TPPP2: variants seen among roughly 807,000 people sequenced by gnomAD.
The protein encoded by TPPP2 is tubulin polymerization promoting protein family member 2.
In TPPP2, 8 loss-of-function variants were observed where a neutral mutation model predicts 13.0. That is an observed-to-expected ratio of 0.62 (90% CI 0.36 to 1.11). The LOEUF is 1.11. Ranked by LOEUF, TPPP2 falls within the 50% of genes most tolerant of loss-of-function variation. The pLI, the probability that TPPP2 is intolerant of heterozygous loss-of-function variation, is 0.02. For synonymous variants in TPPP2, 81 were observed against 81.8 expected, an observed-to-expected ratio of 0.99 and a Z score of 0.05; for missense variants, 213 against 216.9, an observed-to-expected ratio of 0.98 and a Z score of 0.11.
upstream of TPPP2, chr14:21,025,371 C>G (rs1432895296): frequency 1.0e-6 from 1 of 985,540 alleles, no homozygotes; most frequent in African/African-American, 1.7e-5. This position sits in a 1 kb window ranked among gnomAD's most constrained non-coding sequence, Gnocchi z 5.1. Context: ...CTCGGCTGCC[C>G]TCAGCACCGC....
downstream of TPPP2, chr14:21,034,158 T>C: frequency 6.2e-7 from 1 of 1,614,068 alleles, no homozygotes; most frequent in Non-Finnish European, 8.5e-7. Context: ...ACCCTTTGGG[T>C]AGTTAACCCT....
chr14:21,030,492 C>A, intron 1 of TPPP2, 21 bp from the exon 2 acceptor site: 1 of 1,353,942 alleles, frequency 7.4e-7, no homozygotes, highest in Non-Finnish European at 1.0e-6. Flanking sequence ...TACCATAACA[C>A]TCATCCTCAT....
chr14:21,024,946 G>A, intron 1 of TPPP2: 1 of 985,626 alleles, frequency 1.0e-6, no homozygotes, highest in Non-Finnish European at 1.2e-6. Context: ...TCCAGCTCCA[G>A]GGGACGCGGA....
chr14:21,025,668 T>G (rs377144107), upstream of TPPP2: 383 of 983,822 alleles, frequency 3.9e-4, no homozygotes, highest in African/African-American at 6.1e-3. The surrounding 1 kb of genome is among the most constrained non-coding windows in gnomAD (Gnocchi z 5.1). Flanking sequence ...GTGCCCAGAG[T>G]CCTGGTACCT....
At chr14:21,031,402 G>A (rs1243460) in intron 3 of TPPP2, 66,359 of 512,798 alleles carry the variant, frequency 0.13, 5,192 homozygotes, top group East Asian at 0.27. Context: ...TCTAGTATCT[G>A]AGCCAGGCAA....
chr14:21,024,747 C>G lies in TPPP2; in HGVS notation n.236+403C>G. On this transcript the variant is annotated intron_variant and non_coding_transcript_variant, in intron 1 of 1. Transcript: ENST00000533755. ...GACCGGCCGGGCCCAGCACCCGGAA[C>G]CCGTCCCTACGAGTCCCTACGCAGC... The G allele has an allele frequency of 3.0e-6, 3 of 985,510 alleles. No individual in the cohort carries two copies. The African/African-American group carries it at 5.2e-5, about 17-fold the overall frequency. The allele number at this position is 985,510 out of a possible 1,614,324, so 61.0% of individuals were successfully genotyped here.
At chr14:21,031,809 C>T in intron 3 of TPPP2, 83 bp from the exon 4 acceptor site, 1 of 1,465,638 alleles carries the variant, frequency 6.8e-7, no homozygotes, top group Non-Finnish European at 9.2e-7. Context: ...AGCACTTGTT[C>T]TAAGTATCTC....
At chr14:21,025,617 G>T, upstream of TPPP2, 1 of 985,524 alleles carries the variant, frequency 1.0e-6, no homozygotes, top group South Asian at 4.7e-5. The surrounding 1 kb of genome is among the most constrained non-coding windows in gnomAD (Gnocchi z 5.1). Flanking sequence ...CCGAAAGGGG[G>T]CACGGGGGAA....
At chr14:21,027,302 C>T (rs1473867881), upstream of TPPP2, among the ~76,000 whole-genome samples, 1 of 152,216 alleles carries the variant, frequency 6.6e-6, no homozygotes, top group African/African-American at 2.4e-5. Context: ...GCCAGAGCAG[C>T]TTCACACTAT....
rs1367538776 is a variant in TPPP2, at chr14:21,032,500, C to T, written c.*423C>T. The T allele has an allele frequency of 2.8e-6, 1 of 355,674 alleles. No homozygotes were observed. Among genetic ancestry groups the T allele is most frequent in the East Asian group, 8.2e-5 (1 of 12,218 alleles). The allele number at this position is 355,674 out of a possible 1,614,324, so 22.0% of individuals were successfully genotyped here. A position where few individuals can be genotyped will look rare whatever the true frequency, so the allele number is the denominator to read the frequency against. ...CTATGACTATATCACATATTAGATCCTTCCCTGTCCCTCCACCTTCCTCAT... is the reference window on the plus strand; with the variant it reads ...CTATGACTATATCACATATTAGATCTTTCCCTGTCCCTCCACCTTCCTCAT... On this transcript the variant is annotated 3_prime_UTR_variant, in exon 4 of 4. Coordinates refer to ENST00000321760, the MANE Select transcript of TPPP2 (RefSeq NM_173846.5).
At chr14:21,026,195 C>T (rs1275424787), upstream of TPPP2, among the ~76,000 whole-genome samples, 1 of 152,114 alleles carries the variant, frequency 6.6e-6, no homozygotes, top group African/African-American at 2.4e-5. Context: ...CCTTGTGCCC[C>T]TCGGAGGAAG....
chr14:21,024,316 G>A lies in TPPP2; in HGVS notation n.208G>A, dbSNP rs544858648. 7 of 985,272 alleles carry A rather than the reference G, an allele frequency of 7.1e-6. No individual in the cohort carries two copies. The East Asian group carries it at 6.8e-4, about 96-fold the overall frequency. The allele number at this position is 985,272 out of a possible 1,614,324, so 61.0% of individuals were successfully genotyped here. A position where few individuals can be genotyped will look rare whatever the true frequency, so the allele number is the denominator to read the frequency against. On this transcript the variant is annotated non_coding_transcript_exon_variant, in exon 1 of 2. Transcript: ENST00000533755. ...ACAAGGGCATCAGTTCAGGCTGCGC[G>A]GAGGAGAGAAGGAAGTGCTGATGTG... is the stretch of plus-strand genomic sequence containing the variant.
At position 21,025,133 on chromosome 14, in the gene TPPP2, G is replaced by A; in HGVS notation, n.236+789G>A. The A allele has an allele frequency of 1.0e-6, 1 of 974,404 alleles. No homozygotes were observed. Among genetic ancestry groups the A allele is most frequent in the Admixed American group, 6.3e-5 (1 of 15,856 alleles). The allele number at this position is 974,404 out of a possible 1,614,324, so 60.4% of individuals were successfully genotyped here. A position where few individuals can be genotyped will look rare whatever the true frequency, so the allele number is the denominator to read the frequency against. On this transcript the variant is annotated intron_variant and non_coding_transcript_variant, in intron 1 of 1. Coordinates refer to the TPPP2 transcript ENST00000533755. The surrounding 1 kb of genome is among the most constrained non-coding windows in gnomAD (Gnocchi z 5.1). ...CCCCGGCCCGCCCCAGCCCGCCCAC[G>A]GGCGCTAGGCTCCCCGCAGACCCGC...
upstream of TPPP2, chr14:21,025,227 T>C: frequency 1.2e-6 from 1 of 855,218 alleles, no homozygotes; most frequent in Non-Finnish European, 1.4e-6. This position sits in a 1 kb window ranked among gnomAD's most constrained non-coding sequence, Gnocchi z 5.1. Flanking sequence ...AGGGTTGTGC[T>C]GGGGCCGGGG....
chr14:21,033,613 G>T, downstream of TPPP2: 1 of 598,278 alleles, frequency 1.7e-6, no homozygotes, highest in Admixed American at 2.9e-5. Flanking sequence ...GGCGAAGAGG[G>T]GGTAAACAAG....
chr14:21,035,689 C>CA (rs1884579146), downstream of TPPP2: 4 of 442,216 alleles, frequency 9.0e-6, no homozygotes, highest in Admixed American at 4.8e-5. Context: ...TGGTGTTCCT[C>CA]ATGTAGAGCC....
upstream of TPPP2, chr14:21,028,660 A>G (rs909424401): frequency 3.3e-5 from 5 of 152,174 alleles, no homozygotes; most frequent in Non-Finnish European, 7.3e-5. Context: ...CTTGAGCAGG[A>G]GTAATAAAAA....
chr14:21,032,957 A>G, downstream of TPPP2: 1 of 456,014 alleles, frequency 2.2e-6, no homozygotes, highest in Non-Finnish European at 4.4e-6. Flanking sequence ...GGTTTTAGAA[A>G]TTTATGTTCG....
chr14:21,036,096 A>T, downstream of TPPP2: 1 of 424,818 alleles, frequency 2.4e-6, no homozygotes, highest in Non-Finnish European at 4.7e-6. Flanking sequence ...GCACATGGTG[A>T]GTCCTCAGTA....
Sources: allele counts gnomAD v4.1 joint callset (sites outside exome capture counted in the v4.1 genomes callset), GRCh38; gene constraint gnomAD v4.1.1; non-coding constraint Gnocchi (gnomAD v3.1); transcripts MANE v1.5; gene names NCBI Gene and HGNC (gene_info 2026-07-23, HGNC 2026-07-21).